HK3: variants seen among roughly 807,000 people sequenced by gnomAD.
HK3 encodes hexokinase-3.
HK3 carries 93 observed loss-of-function variants against 91.0 expected under a neutral mutation model. The observed-to-expected ratio is 1.02, with a 90% confidence interval of 0.86 to 1.21. HK3 has a LOEUF of 1.21. Among genes scored for constraint, HK3 ranks in the 50% most tolerant of loss-of-function variants. The pLI is 0.00. For synonymous variants in HK3, 519 were observed against 516.9 expected (o/e 1.00, Z -0.06); for missense variants, 1,235 against 1,247.4 (o/e 0.99, Z 0.15).
intron 13 of HK3, 29 bp downstream of exon 13, chr5:176,886,973 G>A (rs762806685): frequency 1.9e-6 from 3 of 1,612,964 alleles, no homozygotes; most frequent in Admixed American, 3.3e-5. Context: ...GGAGGCCCTT[G>A]GGAATCACTT....
In HK3 at chr5:176,889,668, G is replaced by A. The variant is rs147991837; in HGVS notation, c.707C>T (p.Pro236Leu). ...ACCTACAACTAGCCCAACCTCACAC[G>A]GCCTGACCCCCGGCTCACAGCCCAT... ...TMMGCEPGVRPCEVGLVVDTG... is the reference protein window; with the variant it reads ...TMMGCEPGVRLCEVGLVVDTG... Residue 236 changes from proline (P) to leucine (L), a missense_variant, in exon 7 of 19, where the codon CCG becomes CTG. Physicochemically the swap from Pro to Leu is moderately conservative, Grantham distance 98. Transcript: ENST00000292432. 3.4e-4 allele frequency: 553 copies of A among 1,614,018 alleles called. 1 individual carries two copies. The highest frequency in any genetic ancestry group is 8.3e-4 in the Admixed American group (50 of 59,998).
intron 13 of HK3, among the ~76,000 whole-genome samples, chr5:176,886,378 T>C (rs1758583980): frequency 6.6e-6 from 1 of 151,844 alleles, no homozygotes; most frequent in African/African-American, 2.4e-5. Context: ...TCAGGGGCAG[T>C]GAGCTCCTTG....
rs1758405355 is a variant in HK3 at position 176,880,887 on chromosome 5, A to C, written c.*186T>G. Reference sequence around the variant, plus strand: ...GCGTGAATGTAAATAAATTATATATATATATTGCTAACCTGAGTGCTACTT... The same window carrying C: ...GCGTGAATGTAAATAAATTATATATCTATATTGCTAACCTGAGTGCTACTT... On this transcript the variant is annotated 3_prime_UTR_variant, in exon 19 of 19. Transcript: ENST00000292432. 1.8e-6 allele frequency: 1 copy of C among 566,336 alleles called. No individual in the cohort carries two copies. The highest frequency in any genetic ancestry group is 3.0e-6 in the Non-Finnish European group (1 of 334,280). The allele number at this position is 566,336 out of a possible 1,614,324, so 35.1% of individuals were successfully genotyped here.
intron 1 of HK3, among the ~76,000 whole-genome samples, chr5:176,898,334 T>A (rs1221592018): frequency 6.6e-6 from 1 of 152,164 alleles, no homozygotes; most frequent in Non-Finnish European, 1.5e-5. Flanking sequence ...AAGCAACAAA[T>A]CAGCTTCTGA....
In HK3 at chr5:176,889,721, A is replaced by C. The variant is rs1307501062; in HGVS notation, c.654T>G (p.Ala218=). The C allele has an allele frequency of 4.3e-6, 7 of 1,613,938 alleles. No individual in the cohort carries two copies. The highest frequency in any genetic ancestry group is 1.3e-5 in the African/African-American group (1 of 74,888). ...RQGAYNIDVV[A]VVNDTVGTMM... ...TGGTGCCCACTGTGTCGTTCACCAC[A>C]GCAACCACGTCGATGTTGTAGGCCT... The change falls in exon 7 of 19, where the codon GCT becomes GCG. Residue 218 remains alanine (A), a synonymous_variant. Transcript: ENST00000292432.
Position 176,894,480 on chromosome 5 carries a change from G to A in HK3, c.96+1584C>T, listed in dbSNP as rs187379312. Among the ~76,000 whole-genome samples the A allele has an allele frequency of 1.6e-4, 25 of 152,324 alleles. No individual in the cohort carries two copies. In the East Asian group the frequency reaches 4.6e-3, roughly 28 times the overall value. On this transcript the variant is annotated intron_variant, in intron 2 of 18. Transcript: ENST00000292432. ...TCATCAGGGAGGGGCAAGAAGCGAG[G>A]GAGGAGATGACAGCAGGCCCTAGAG... is the stretch of plus-strand genomic sequence containing the variant.
In HK3 at chr5:176,881,929, G is replaced by A. The variant is rs1188805658; in HGVS notation, c.2237+15C>T. The A allele has an allele frequency of 1.9e-6, 3 of 1,612,842 alleles. No individual in the cohort carries two copies. Among genetic ancestry groups the A allele is most frequent in the Non-Finnish European group, 1.7e-6 (2 of 1,179,318 alleles). On this transcript the variant is annotated intron_variant, in intron 16 of 18. Coordinates refer to ENST00000292432, the MANE Select transcript of HK3 (RefSeq NM_002115.3). ...CGGTCACAGCCAGCCACCACTGCCT[G>A]GGCCCAGCCCACACCTCTGCTTGCC...
chr5:176,881,140 C>G lies in HK3; in HGVS notation c.2705G>C (p.Gly902Ala). 6.2e-7 allele frequency: 1 copy of G among 1,613,096 alleles called. No homozygotes were observed. Among genetic ancestry groups the G allele is most frequent in the Non-Finnish European group, 8.5e-7 (1 of 1,179,916 alleles). The change falls in exon 19 of 19, where the codon GGG becomes GCG. Residue 902 changes from glycine to alanine, a missense_variant. By Grantham distance (60) the Gly-to-Ala change is moderately conservative (BLOSUM62 0). Coordinates refer to ENST00000292432, the MANE Select transcript of HK3 (RefSeq NM_002115.3). ...CVVTFLQSED[G>A]SGKGAALVTA... ...GACCAGGGCCGCACCTTTGCCGGAC[C>G]CATCCTCTGACTGCAGGAACGTGAC... is the stretch of plus-strand genomic sequence containing the variant.
intron 8 of HK3, 87 bp downstream of exon 8, chr5:176,889,294 G>A: frequency 1.4e-6 from 2 of 1,421,876 alleles, no homozygotes; most frequent in South Asian, 2.6e-5. Context: ...GGGCCTAAGG[G>A]CCTGAGAACA....
At chr5:176,896,735 CAG>C (rs1322552460) in intron 1 of HK3, among the ~76,000 whole-genome samples, 1 of 152,172 alleles carries the variant, frequency 6.6e-6, no homozygotes, top group Admixed American at 6.5e-5. Flanking sequence ...CTGAAGGCAA[CAG>C]GGGTCATGGA....
rs761726314 is a variant in HK3 at position 176,896,112 on chromosome 5, C to G, written c.48G>C (p.Leu16=). The change falls in exon 2 of 19, where the codon CTG becomes CTC. Residue 16 remains leucine (L), a synonymous_variant. Transcript: ENST00000292432. ...CGGGCAAGCCCTCCTCAGAGCAACT[C>G]AGGGTTTCTTCCCCCTGCCGCAACC... ...SSGLRQGEET[L]SCSEEGLPGP... is the part of the protein sequence containing the mutation. The G allele has an allele frequency of 1.2e-5, 20 of 1,613,208 alleles. No homozygotes were observed. The East Asian group carries it at 4.5e-4, about 36-fold the overall frequency.
rs745867632 is a variant in HK3, at chr5:176,881,509, CG to C, written c.2419del (p.Arg807GlufsTer4). 2 of 1,603,894 alleles carry C rather than the reference CG, an allele frequency of 1.2e-6. No individual in the cohort carries two copies. Among genetic ancestry groups the C allele is most frequent in the African/African-American group, 2.7e-5 (2 of 74,860 alleles). ...TAGCCCCAGATCCTCTAGGATGGCT[CG>C]GACCTGCCGCAGGGCCAGGCTGTCA... Reference protein sequence around the residue: ...ESDSLALRQVRAILEDLGLPL... With the variant: ...ESDSLALRQVXAILEDLGLPL... On this transcript the variant is annotated frameshift_variant, in exon 18 of 19. Coordinates refer to ENST00000292432, the MANE Select transcript of HK3 (RefSeq NM_002115.3). LOFTEE classifies it high-confidence loss of function.
chr5:176,882,033 G>T lies in HK3; in HGVS notation c.2148C>A (p.Gly716=), dbSNP rs374247787. 2.5e-6 allele frequency: 4 copies of T among 1,613,006 alleles called. No individual in the cohort carries two copies. Among genetic ancestry groups the T allele is most frequent in the Non-Finnish European group, 2.5e-6 (3 of 1,180,010 alleles). Residue 716 remains glycine, a synonymous_variant, in exon 16 of 19, where the codon GGC becomes GGA. Transcript: ENST00000292432. ...SGRMCINMEW[G]AFGDDGSLAM... The stretch of plus-strand genomic sequence containing the variant: ...CCAGAGAGCCATCGTCCCCAAAGGC[G>T]CCCCACTCCATGTTGATGCACATGC...
chr5:176,887,859 C>T lies in HK3; in HGVS notation c.1305-113G>A, dbSNP rs1758644166. 4 of 1,152,458 alleles carry T rather than the reference C, an allele frequency of 3.5e-6. No individual in the cohort carries two copies. The highest frequency in any genetic ancestry group is 4.9e-6 in the Non-Finnish European group (4 of 819,598). 71.4% of individuals were successfully genotyped at this position (1,152,458 alleles called of 1,614,324 possible). A position where few individuals can be genotyped will look rare whatever the true frequency, so the allele number is the denominator to read the frequency against. On this transcript the variant is annotated intron_variant, in intron 10 of 18. Transcript: ENST00000292432. This position sits in a 1 kb window ranked among gnomAD's most constrained non-coding sequence, Gnocchi z 4.9. ...CATACAGGTGTGCCCAGCTTGGCCC[C>T]AGACCCCTAGGGCCTCCTGAAGCCC...
Position 176,888,274 on chromosome 5 carries a change from G to A in HK3, c.1304+58C>T, listed in dbSNP as rs150081216. On this transcript the variant is annotated intron_variant, in intron 10 of 18. Transcript: ENST00000292432. ...TGTGATCCCAGAGGGCCCTCTGGGTGTGTATCACACACACGTGTTCATGCC... is the reference window on the plus strand; with the variant it reads ...TGTGATCCCAGAGGGCCCTCTGGGTATGTATCACACACACGTGTTCATGCC... 676 of 1,408,782 alleles carry A rather than the reference G, an allele frequency of 4.8e-4. 8 individuals carry two copies. In the East Asian group the frequency reaches 0.016, roughly 34 times the overall value. The allele number at this position is 1,408,782 out of a possible 1,614,324, so 87.3% of individuals were successfully genotyped here. A position where few individuals can be genotyped will look rare whatever the true frequency, so the allele number is the denominator to read the frequency against.
Position 176,880,910 on chromosome 5 carries a change from C to T in HK3, c.*163G>A. On this transcript the variant is annotated 3_prime_UTR_variant, in exon 19 of 19. Coordinates refer to ENST00000292432, the MANE Select transcript of HK3 (RefSeq NM_002115.3). Reference sequence around the variant, plus strand: ...ATATATATTGCTAACCTGAGTGCTACTTCTCTCAGGGAAAGCCAGGGAGCA... The same window carrying T: ...ATATATATTGCTAACCTGAGTGCTATTTCTCTCAGGGAAAGCCAGGGAGCA... 5 of 656,880 alleles carry T rather than the reference C, an allele frequency of 7.6e-6. No individual in the cohort carries two copies. The highest frequency in any genetic ancestry group is 1.2e-5 in the Non-Finnish European group (5 of 403,108). 40.7% of individuals were successfully genotyped at this position (656,880 alleles called of 1,614,324 possible).
chr5:176,890,809 C>T lies in HK3; in HGVS notation c.534+13G>A. 1.9e-6 allele frequency: 3 copies of T among 1,614,218 alleles called. No homozygotes were observed. Among genetic ancestry groups the T allele is most frequent in the Non-Finnish European group, 2.5e-6 (3 of 1,180,050 alleles). ...CACCCTCTACCCAGCGTCCCATGTC[C>T]ACTCCACCTCACCCTGTCCAAGCCC... On this transcript the variant is annotated intron_variant, in intron 5 of 18. Transcript: ENST00000292432.
rs746660321 is a variant in HK3, at chr5:176,881,153, G to A, written c.2692C>T (p.Gln898Ter). 6.8e-6 allele frequency: 11 copies of A among 1,613,128 alleles called. No individual in the cohort carries two copies. The highest frequency in any genetic ancestry group is 7.6e-6 in the Non-Finnish European group (9 of 1,179,918). The change falls in exon 19 of 19, where the codon CAG becomes TAG. Residue 898 changes from glutamine to a stop codon, truncating the protein, a stop_gained. Transcript: ENST00000292432. LOFTEE classifies it high-confidence loss of function. Reference protein sequence around the residue: ...LAPRCVVTFLQSEDGSGKGAA... With the variant: ...LAPRCVVTFL ...CCTTTGCCGGACCCATCCTCTGACT[G>A]CAGGAACGTGACCACACAGCGAGGG...
In HK3 at chr5:176,887,835, A is replaced by T. The variant is rs762141439; in HGVS notation, c.1305-89T>A. On this transcript the variant is annotated intron_variant, in intron 10 of 18. Transcript: ENST00000292432. This position sits in a 1 kb window ranked among gnomAD's most constrained non-coding sequence, Gnocchi z 4.9. Reference sequence around the variant, plus strand: ...GGCTTGGCCCTGGACCCCCAGATACATACAGGTGTGCCCAGCTTGGCCCCA... The same window carrying T: ...GGCTTGGCCCTGGACCCCCAGATACTTACAGGTGTGCCCAGCTTGGCCCCA... The T allele has an allele frequency of 5.0e-6, 7 of 1,397,044 alleles. No individual in the cohort carries two copies. The highest frequency in any genetic ancestry group is 1.4e-5 in the African/African-American group (1 of 69,456). The allele number at this position is 1,397,044 out of a possible 1,614,324, so 86.5% of individuals were successfully genotyped here. A position where few individuals can be genotyped will look rare whatever the true frequency, so the allele number is the denominator to read the frequency against.
Sources: gnomAD v4.1 joint callset for allele counts (sites outside exome capture counted in the v4.1 genomes callset) on GRCh38, gnomAD v4.1.1 for gene constraint, Gnocchi (gnomAD v3.1) non-coding constraint, MANE v1.5 for transcripts, NCBI Gene and HGNC (gene_info 2026-07-23, HGNC 2026-07-21) for gene names.